The following TJP1 variants were observed in gnomAD, a reference collection of about 807,000 sequenced individuals.
The protein encoded by TJP1 is tight junction protein 1, also known as tight junction protein ZO-1.
TJP1 carries 43 observed loss-of-function variants against 194.2 expected under a neutral mutation model. The ratio of observed to expected loss-of-function variants is 0.22; its 90% CI spans 0.17 to 0.29. TJP1 has a LOEUF of 0.29. TJP1 is among the 10% of genes least tolerant of loss of function. TJP1 has a pLI of 1.00. For synonymous variants in TJP1, 801 were observed against 779.0 expected (o/e 1.03, Z -0.47); for missense variants, 1,971 against 2,185.7 (o/e 0.90, Z 1.96).
chr15:29,720,571 G>A lies in TJP1; in HGVS notation c.2550C>T (p.Gly850=), dbSNP rs375183182. ...CTAGTTCTTGATCAGTGTAGGCCCC[G>A]CCTTCTGTGTCTGTGTCTTCATAGT... ...TSDYEDTDTE[G]GAYTDQELDE... Residue 850 remains glycine (G), a synonymous_variant, in exon 19 of 28, where the codon GGC becomes GGT. Coordinates refer to ENST00000614355, the MANE Select transcript of TJP1 (RefSeq NM_001330239.4). The A allele has an allele frequency of 2.0e-5, 33 of 1,614,076 alleles. No individual in the cohort carries two copies. The East Asian group carries it at 2.5e-4, about 12-fold the overall frequency.
chr15:29,825,508 C>T (rs12913280), upstream of TJP1, among the ~76,000 whole-genome samples: 1,098 of 152,256 alleles, frequency 7.2e-3, 7 homozygotes, highest in Non-Finnish European at 0.011. Flanking sequence ...ATTATGTGTG[C>T]AAAATCTTTA....
chr15:29,934,043 A>G, intron 2 of TJP1, among the ~76,000 whole-genome samples: 1 of 152,184 alleles, frequency 6.6e-6, no homozygotes, highest in Non-Finnish European at 1.5e-5. Context: ...AAAATCCCTC[A>G]TTATGTCTTT....
chr15:29,912,523 C>A (rs1377900864), intron 2 of TJP1, among the ~76,000 whole-genome samples: 1 of 151,928 alleles, frequency 6.6e-6, no homozygotes, highest in African/African-American at 2.4e-5. Flanking sequence ...GCCTGGCCAA[C>A]ATAGTGAAAC....
Position 29,767,250 on chromosome 15 carries a change from T to A in TJP1, c.313-708A>T, listed in dbSNP as rs577210511. Among the ~76,000 whole-genome samples the A allele has an allele frequency of 9.2e-5, 14 of 152,286 alleles. No homozygotes were observed. The East Asian group carries it at 2.5e-3, about 27-fold the overall frequency. The stretch of plus-strand genomic sequence containing the variant: ...GCTGACGATCTACATGTATTACACC[T>A]GCTGACTGAATGGCCCTGTAATCTG... On this transcript the variant is annotated intron_variant, in intron 4 of 27. Transcript: ENST00000614355.
At chr15:29,916,207 T>A (rs2054179376) in intron 2 of TJP1, among the ~76,000 whole-genome samples, 1 of 140,176 alleles carries the variant, frequency 7.1e-6, no homozygotes, top group African/African-American at 2.7e-5. Context: ...GCCACTGTAC[T>A]CCAGCCTGTG....
At chr15:29,764,679 T>C (rs762950672) in intron 5 of TJP1, among the ~76,000 whole-genome samples, 43 of 152,154 alleles carry the variant, frequency 2.8e-4, no homozygotes, top group Non-Finnish European at 1.5e-4. Flanking sequence ...CATCTGGGAA[T>C]GGCCTGAGAA....
chr15:29,717,005 T>G (rs893735477), intron 22 of TJP1, among the ~76,000 whole-genome samples, 167 bp from the exon 23 acceptor site: 6 of 152,252 alleles, frequency 3.9e-5, no homozygotes, highest in African/African-American at 1.4e-4. Context: ...TCAAATCCCA[T>G]GTCCTCACAG....
chr15:29,913,284 T>C (rs368569478), intron 2 of TJP1, among the ~76,000 whole-genome samples: 2 of 152,200 alleles, frequency 1.3e-5, no homozygotes, highest in African/African-American at 4.8e-5. Context: ...GTAAAGTGTT[T>C]AGACAAAGGA....
At chr15:29,867,441 G>T (rs1054827173) in intron 2 of TJP1, among the ~76,000 whole-genome samples, 1 of 152,092 alleles carries the variant, frequency 6.6e-6, no homozygotes, top group Non-Finnish European at 1.5e-5. Flanking sequence ...TTTCACATTG[G>T]GCCTTGCTGG....
intron 8 of TJP1, among the ~76,000 whole-genome samples, chr15:29,744,934 A>C (rs1451739859): frequency 2.6e-5 from 4 of 152,166 alleles, no homozygotes. Context: ...AGGAGAATAC[A>C]GTAGTGTATT....
At chr15:29,952,266 T>A (rs2055777048) in intron 2 of TJP1, among the ~76,000 whole-genome samples, 1 of 152,242 alleles carries the variant, frequency 6.6e-6, no homozygotes, top group South Asian at 2.1e-4. Context: ...GAGTCCAGGC[T>A]ATGCCTAAGA....
rs2051805701 is a variant in TJP1, at chr15:29,855,318, A to G, written c.307-54616T>C. 2.0e-5 allele frequency among the ~76,000 whole-genome samples: 3 copies of G among 152,196 alleles called. No individual in the cohort carries two copies. In the South Asian group the frequency reaches 6.2e-4, roughly 31 times the overall value. On this transcript the variant is annotated intron_variant, in intron 2 of 28. Transcript: ENST00000356107. ...GATGCTGACAAGTTTGACACATGCAAAAAAAGTCCCAAATATATTTTTTGA... is the reference window on the plus strand; with the variant it reads ...GATGCTGACAAGTTTGACACATGCAGAAAAAGTCCCAAATATATTTTTTGA...
chr15:29,929,581 T>C (rs1718997), intron 2 of TJP1, among the ~76,000 whole-genome samples: 38,719 of 151,860 alleles, frequency 0.25, 5,149 homozygotes, highest in East Asian at 0.35. Context: ...TCTGTAATTC[T>C]AGCTACTCAG....
intron 2 of TJP1, among the ~76,000 whole-genome samples, chr15:29,856,239 T>G (rs1290465621): frequency 6.6e-6 from 1 of 152,142 alleles, no homozygotes; most frequent in Non-Finnish European, 1.5e-5. Context: ...TGAGACCCTG[T>G]CACTTTAAAA....
intron 16 of TJP1, 32 bp from the exon 17 acceptor site, chr15:29,727,023 C>T (rs199750107): frequency 1.3e-6 from 2 of 1,581,198 alleles, no homozygotes; most frequent in East Asian, 4.5e-5. Context: ...TATACAAAGA[C>T]ACAAGACATC....
At chr15:29,767,940 G>T (rs985215201) in intron 4 of TJP1, among the ~76,000 whole-genome samples, 1 of 151,904 alleles carries the variant, frequency 6.6e-6, no homozygotes, top group African/African-American at 2.4e-5. Context: ...CATACTCCAG[G>T]TTACCTGAAA....
At chr15:29,754,953 A>G (rs2045551462) in intron 8 of TJP1, among the ~76,000 whole-genome samples, 2 of 152,220 alleles carry the variant, frequency 1.3e-5, no homozygotes, top group South Asian at 4.1e-4. Flanking sequence ...GACGAAAACA[A>G]TTATGGAAGG....
At chr15:29,925,602 T>TA (rs1270710307) in intron 2 of TJP1, among the ~76,000 whole-genome samples, 1 of 152,168 alleles carries the variant, frequency 6.6e-6, no homozygotes, top group East Asian at 1.9e-4. Flanking sequence ...AATACACAAA[T>TA]ACACGCACCC....
At chr15:29,740,966 T>C (rs965200580) in intron 10 of TJP1, 2 of 201,640 alleles carry the variant, frequency 9.9e-6, no homozygotes, top group South Asian at 1.8e-4. Context: ...AATGCTTACC[T>C]GGCCCAAAAT....
Sources: gnomAD v4.1 joint callset for allele counts (sites outside exome capture counted in the v4.1 genomes callset) on GRCh38, gnomAD v4.1.1 for gene constraint, MANE v1.5 for transcripts, NCBI Gene and HGNC (gene_info 2026-07-23, HGNC 2026-07-21) for gene names.